RAF1: variants seen among roughly 807,000 people sequenced by gnomAD.
RAF1 encodes the protein RAF proto-oncogene serine/threonine-protein kinase.
RAF1 carries 27 observed loss-of-function variants against 81.1 expected under a neutral mutation model. That is an observed-to-expected ratio of 0.33 (90% confidence interval 0.25 to 0.46). The LOEUF (loss-of-function observed/expected upper bound fraction) is 0.46, where lower values mean the gene tolerates loss of function less well. RAF1 is among the 20% of genes least tolerant of loss of function. The pLI is 1.00. For synonymous variants in RAF1, 298 were observed against 294.0 expected, an observed-to-expected ratio of 1.01 and a Z score of -0.14; for missense variants, 598 against 826.0, an observed-to-expected ratio of 0.72 and a Z score of 3.38.
chr3:12,653,487 T>G (rs543145862), intron 1 of RAF1, among the ~76,000 whole-genome samples: 32 of 152,264 alleles, frequency 2.1e-4, no homozygotes, highest in African/African-American at 6.3e-4. Context: ...GGCTCATTCC[T>G]GTCATCTTAG....
chr3:12,650,379 T>C (rs2060485682), intron 1 of RAF1, among the ~76,000 whole-genome samples: 1 of 152,120 alleles, frequency 6.6e-6, no homozygotes, highest in African/African-American at 2.4e-5. Context: ...GAACTACATG[T>C]ATTTCCTATA....
At chr3:12,602,654 T>C (rs1335400279) in intron 8 of RAF1, among the ~76,000 whole-genome samples, 3 of 152,218 alleles carry the variant, frequency 2.0e-5, no homozygotes, top group African/African-American at 4.8e-5. Context: ...ACAGTGTTCA[T>C]ACAGGAACAA....
In RAF1 at chr3:12,592,565, CAAAG is replaced by C. The variant is rs560178724; in HGVS notation, c.1169-777_1169-774del. Among the ~76,000 whole-genome samples, 74 of 152,122 alleles carry C rather than the reference CAAAG, an allele frequency of 4.9e-4. 1 individual carries two copies. The highest frequency in any genetic ancestry group is 1.6e-3 in the Admixed American group (24 of 15,274). On this transcript the variant is annotated intron_variant, in intron 11 of 17. Coordinates refer to ENST00000442415, the MANE Select transcript of RAF1 (RefSeq NM_001354689.3). Reference sequence around the variant, plus strand: ...TGCCCAAGGTCATACAGCCAAAAAACAAAGAACGCTGCAGCCAGGATCAAAACCC... The same window carrying C: ...TGCCCAAGGTCATACAGCCAAAAAACAACGCTGCAGCCAGGATCAAAACCC...
At position 12,595,213 on chromosome 3, in the gene RAF1, C is replaced by G. The variant is rs111494556; in HGVS notation, c.1169-3421G>C. On this transcript the variant is annotated intron_variant, in intron 11 of 17. Transcript: ENST00000442415. ...CTCCCAAGTAACTGGGACTACAATA[C>G]AGGTGTGCATCACCACGCCCACCTA... 5.3e-5 allele frequency among the ~76,000 whole-genome samples: 8 copies of G among 152,194 alleles called. 1 individual carries two copies. The highest frequency in any genetic ancestry group is 1.9e-4 in the African/African-American group (8 of 41,526).
chr3:12,631,206 A>C (rs2059849191), intron 1 of RAF1, among the ~76,000 whole-genome samples: 1 of 152,000 alleles, frequency 6.6e-6, no homozygotes, highest in Non-Finnish European at 1.5e-5. Flanking sequence ...AAAATAAATG[A>C]CATAGGCAGT....
chr3:12,613,231 G>A (rs922500582), intron 2 of RAF1, among the ~76,000 whole-genome samples: 1 of 152,114 alleles, frequency 6.6e-6, no homozygotes, highest in Non-Finnish European at 1.5e-5. Context: ...TCAGAGTTTT[G>A]ATAAAAGCCC....
chr3:12,633,552 T>A lies in RAF1; in HGVS notation c.-26-14805A>T, dbSNP rs191487742. On this transcript the variant is annotated intron_variant, in intron 1 of 17. Coordinates refer to ENST00000442415, the MANE Select transcript of RAF1 (RefSeq NM_001354689.3). ...ATCCACAATGAAAGAACTTGAACTA[T>A]CAGATTAAAATAGCCTATCGAATGC... Among the ~76,000 whole-genome samples the A allele has an allele frequency of 4.0e-4, 60 of 148,688 alleles. 1 individual carries two copies. Among genetic ancestry groups the A allele is most frequent in the African/African-American group, 8.4e-4 (34 of 40,388 alleles).
intron 1 of RAF1, among the ~76,000 whole-genome samples, chr3:12,663,321 C>G (rs1029358864): frequency 1.3e-5 from 2 of 152,202 alleles, no homozygotes; most frequent in African/African-American, 4.8e-5. Flanking sequence ...CAAGAAGAGG[C>G]CCCTGTGCCT....
At chr3:12,612,405 T>C (rs979712852) in intron 2 of RAF1, among the ~76,000 whole-genome samples, 2 of 152,030 alleles carry the variant, frequency 1.3e-5, no homozygotes, top group East Asian at 3.9e-4. Context: ...TCTCAGCACT[T>C]TGGGAAGCCG....
Position 12,609,022 on chromosome 3 carries a change from T to A in RAF1, c.424-99A>T, listed in dbSNP as rs2059126638. The stretch of plus-strand genomic sequence containing the variant: ...TCCAAAAAAGTTTTTACAAAATGAA[T>A]CATACTTCCAGCATGTACAGAATTC... On this transcript the variant is annotated intron_variant, in intron 4 of 17. Coordinates refer to ENST00000442415, the MANE Select transcript of RAF1 (RefSeq NM_001354689.3). The A allele has an allele frequency of 6.8e-6, 9 of 1,326,094 alleles. No individual in the cohort carries two copies. In the South Asian group the frequency reaches 1.1e-4, roughly 16 times the overall value. The allele number at this position is 1,326,094 out of a possible 1,614,324, so 82.1% of individuals were successfully genotyped here. A position where few individuals can be genotyped will look rare whatever the true frequency, so the allele number is the denominator to read the frequency against.
intron 15 of RAF1, 68 bp downstream of exon 14, chr3:12,585,613 C>T: frequency 7.0e-7 from 1 of 1,432,158 alleles, no homozygotes; most frequent in Non-Finnish European, 9.8e-7. Flanking sequence ...TTTAAGTTTG[C>T]ACATAAATCT....
Position 12,600,380 on chromosome 3 carries a change from A to C in RAF1, c.922+8T>G. ...ATTATTGTTGGCTAAATGACTATGG[A>C]AAAGTACCTGATTCGCTGTGACTTC... On this transcript the variant is annotated splice_region_variant and intron_variant, in intron 9 of 17. Transcript: ENST00000442415. The C allele has an allele frequency of 6.2e-7, 1 of 1,614,232 alleles. No homozygotes were observed. The highest frequency in any genetic ancestry group is 1.3e-5 in the African/African-American group (1 of 75,056).
At chr3:12,595,060 A>C (rs1304352035) in intron 11 of RAF1, among the ~76,000 whole-genome samples, 1 of 152,142 alleles carries the variant, frequency 6.6e-6, no homozygotes, top group East Asian at 1.9e-4. Flanking sequence ...TCTAATAAAG[A>C]ACTATTCCAT....
intron 11 of RAF1, among the ~76,000 whole-genome samples, chr3:12,596,200 T>C (rs2058682539): frequency 1.3e-5 from 2 of 149,080 alleles, no homozygotes; most frequent in South Asian, 2.1e-4. Flanking sequence ...CTTTCTTTTT[T>C]TTTTTTTTTT....
intron 11 of RAF1, among the ~76,000 whole-genome samples, chr3:12,595,654 C>A (rs1280606052): frequency 6.6e-6 from 1 of 152,096 alleles, no homozygotes; most frequent in Non-Finnish European, 1.5e-5. Flanking sequence ...CCACTTTGCA[C>A]TTGATGTTAC....
Position 12,600,274 on chromosome 3 carries a change from G to A in RAF1, c.928C>T (p.Pro310Ser). 6.2e-7 allele frequency: 1 copy of A among 1,614,178 alleles called. No homozygotes were observed. Among genetic ancestry groups the A allele is most frequent in the Non-Finnish European group, 8.5e-7 (1 of 1,180,040 alleles). The stretch of plus-strand genomic sequence containing the variant: ...TTGGGGCTACTGGACAGGGCTGAAG[G>A]TGAGGCTTAATAGACAAGACAAACA... The change falls in exon 10 of 18, where the codon CCT (proline) becomes TCT (serine). Residue 310 changes from proline (P) to serine (S), a missense_variant. By Grantham distance (74) the Pro-to-Ser change is moderately conservative. Coordinates refer to ENST00000442415, the MANE Select transcript of RAF1 (RefSeq NM_001354689.3).
chr3:12,626,978 T>C (rs1462850585), intron 1 of RAF1, among the ~76,000 whole-genome samples: 1 of 146,598 alleles, frequency 6.8e-6, no homozygotes, highest in Non-Finnish European at 1.5e-5. Flanking sequence ...CAGCCAAAAC[T>C]GTGCCATTGC....
intron 1 of RAF1, among the ~76,000 whole-genome samples, chr3:12,657,001 G>GGAA (rs1491163354): frequency 3.4e-5 from 5 of 147,496 alleles, no homozygotes; most frequent in African/African-American, 1.2e-4. Context: ...CCATCTCGGG[G>GGAA]AAAAAAAAAA....
intron 1 of RAF1, among the ~76,000 whole-genome samples, chr3:12,625,046 A>G (rs1369682869): frequency 6.6e-6 from 1 of 152,132 alleles, no homozygotes; most frequent in Non-Finnish European, 1.5e-5. Context: ...AAACACAAAT[A>G]TAAAAACTAT....
Sources: gnomAD v4.1 joint callset for allele counts (sites outside exome capture counted in the v4.1 genomes callset) on GRCh38, gnomAD v4.1.1 for gene constraint, MANE v1.5 for transcripts, NCBI Gene and HGNC (gene_info 2026-07-23, HGNC 2026-07-21) for gene names.